The following NAA20 variants were observed in gnomAD, a reference collection of about 807,000 sequenced individuals.
NAA20 encodes the protein N-alpha-acetyltransferase 20, NatB catalytic subunit, also known as N-alpha-acetyltransferase 20.
NAA20 carries 24 observed loss-of-function variants against 23.8 expected under a neutral mutation model. The observed-to-expected ratio is 1.01, with a 90% CI of 0.73 to 1.42. The LOEUF (loss-of-function observed/expected upper bound fraction) is 1.42. Among genes scored for constraint, NAA20 ranks in the 40% most tolerant of loss-of-function variants. NAA20 has a pLI of 0.00. For synonymous variants in NAA20, 83 were observed against 77.7 expected, an observed-to-expected ratio of 1.07 and a Z score of -0.36; for missense variants, 166 against 223.1, an observed-to-expected ratio of 0.74 and a Z score of 1.63.
rs765017523 is a variant in NAA20, at chr20:20,017,477, G to C, written c.53+28G>C. ...GAGTGACACGCGCCTAGGGCCAGCC[G>C]CTCTTGGCCGGGCCTCGCTTCCCGG... On this transcript the variant is annotated intron_variant, in intron 1 of 5. Transcript: ENST00000334982. The C allele has an allele frequency of 2.0e-5, 31 of 1,589,126 alleles. No homozygotes were observed. The Admixed American group carries it at 5.4e-4, about 28-fold the overall frequency.
rs1229526182 is a variant in NAA20 at position 20,017,370 on chromosome 20, A to G, written c.-27A>G. ...CAGGGCGGGCGCGGGGTCTTGGCGAACGGTCTTCGGAAGCGGCGGCGGCGC... is the reference window on the plus strand; with the variant it reads ...CAGGGCGGGCGCGGGGTCTTGGCGAGCGGTCTTCGGAAGCGGCGGCGGCGC... On this transcript the variant is annotated 5_prime_UTR_variant, in exon 1 of 6. Transcript: ENST00000334982. 1 of 1,610,780 alleles carries G rather than the reference A, an allele frequency of 6.2e-7. No individual in the cohort carries two copies. Among genetic ancestry groups the G allele is most frequent in the Non-Finnish European group, 8.5e-7 (1 of 1,179,080 alleles).
intron 3 of NAA20, 67 bp from the exon 4 acceptor site, chr20:20,026,717 A>G: frequency 6.3e-7 from 1 of 1,585,636 alleles, no homozygotes; most frequent in Non-Finnish European, 8.6e-7. Context: ...CATACTGAAC[A>G]GTAATTCTAT....
At chr20:20,019,814 A>G (rs1331750020) in intron 1 of NAA20, among the ~76,000 whole-genome samples, 1 of 152,208 alleles carries the variant, frequency 6.6e-6, no homozygotes, top group Non-Finnish European at 1.5e-5. Flanking sequence ...TGGAACTCCC[A>G]GGCTCAAGTG....
intron 4 of NAA20, among the ~76,000 whole-genome samples, chr20:20,028,314 A>T (rs1039887502): frequency 1.3e-5 from 2 of 152,088 alleles, no homozygotes; most frequent in Admixed American, 1.3e-4. Context: ...CAGGGAGGGG[A>T]ACATCACACA....
chr20:20,019,200 G>T (rs1370746447), intron 1 of NAA20, among the ~76,000 whole-genome samples: 1 of 152,228 alleles, frequency 6.6e-6, no homozygotes, highest in Admixed American at 6.5e-5. Flanking sequence ...GATGAAGCCA[G>T]TGTAGCAAAG....
intron 2 of NAA20, among the ~76,000 whole-genome samples, chr20:20,025,003 T>A (rs1202784331): frequency 2.0e-5 from 3 of 152,206 alleles, no homozygotes; most frequent in Admixed American, 6.5e-5. Flanking sequence ...TAGGAATGAT[T>A]ACATGTCAGT....
At chr20:20,023,281 C>T (rs919234204) in intron 2 of NAA20, among the ~76,000 whole-genome samples, 1 of 151,098 alleles carries the variant, frequency 6.6e-6, no homozygotes, top group African/African-American at 2.4e-5. Context: ...TGCACTCCAG[C>T]CTGGGCTACA....
chr20:20,033,222 T>A lies in NAA20; in HGVS notation c.*35T>A. ...GTGGTTCTTAGGCAGATACTCTAGA[T>A]GCTTTATGGACAATATTATTTTCAT... On this transcript the variant is annotated 3_prime_UTR_variant, in exon 6 of 6. Transcript: ENST00000334982. 6.8e-7 allele frequency: 1 copy of A among 1,468,902 alleles called. No homozygotes were observed. The highest frequency in any genetic ancestry group is 9.5e-7 in the Non-Finnish European group (1 of 1,050,986). 91.0% of individuals were successfully genotyped at this position (1,468,902 alleles called of 1,614,324 possible).
At position 20,026,924 on chromosome 20, in the gene NAA20, G is replaced by A. The variant is rs1320524998; in HGVS notation, c.305+5G>A. 3 of 1,614,122 alleles carry A rather than the reference G, an allele frequency of 1.9e-6. No individual in the cohort carries two copies. The highest frequency in any genetic ancestry group is 1.1e-5 in the South Asian group (1 of 91,080). On this transcript the variant is annotated splice_donor_5th_base_variant and intron_variant, in intron 4 of 5. Transcript: ENST00000334982. ...ACTAGAGGAGATTTCAGAAAGGTGAGATTCAGTTTTTCAAATACACTTAGT... is the reference window on the plus strand; with the variant it reads ...ACTAGAGGAGATTTCAGAAAGGTGAAATTCAGTTTTTCAAATACACTTAGT...
At chr20:20,021,024 G>A (rs867455546) in intron 1 of NAA20, among the ~76,000 whole-genome samples, 6 of 124,730 alleles carry the variant, frequency 4.8e-5, no homozygotes, top group African/African-American at 1.2e-4. Flanking sequence ...GCCTGTGTGC[G>A]TGGGTTCGGT....
At chr20:20,029,852 C>A (rs2043330870) in intron 4 of NAA20, among the ~76,000 whole-genome samples, 1 of 152,088 alleles carries the variant, frequency 6.6e-6, no homozygotes, top group African/African-American at 2.4e-5. Context: ...TCAGGCATTA[C>A]AGGCCACCTA....
chr20:20,021,416 C>G (rs1023619930), intron 1 of NAA20, among the ~76,000 whole-genome samples: 1 of 152,186 alleles, frequency 6.6e-6, no homozygotes, highest in Admixed American at 6.5e-5. Flanking sequence ...ATCCCGTTGT[C>G]TTTTAAGCAG....
chr20:20,032,331 A>G (rs1252026776), intron 4 of NAA20, among the ~76,000 whole-genome samples, 177 bp from the exon 5 acceptor site: 1 of 151,864 alleles, frequency 6.6e-6, no homozygotes, highest in East Asian at 1.9e-4. Flanking sequence ...AGTAATTGTC[A>G]TAAATCCTAA....
chr20:20,018,224 A>C, intron 1 of NAA20: 1 of 704,114 alleles, frequency 1.4e-6, no homozygotes. Context: ...TTTTTTAAGA[A>C]AACATTTTAT....
chr20:20,031,721 A>G (rs1291443952), intron 4 of NAA20, among the ~76,000 whole-genome samples: 1 of 152,240 alleles, frequency 6.6e-6, no homozygotes, highest in Non-Finnish European at 1.5e-5. Flanking sequence ...AAATTGTATG[A>G]AAGATTTAAG....
chr20:20,017,359 G>T, upstream of NAA20: 1 of 1,609,544 alleles, frequency 6.2e-7, no homozygotes, highest in South Asian at 1.1e-5. Flanking sequence ...GCGGGCGCGG[G>T]GTCTTGGCGA....
rs771365052 is a variant in NAA20, at chr20:20,032,632, G to C, written c.430G>C (p.Glu144Gln). 1 of 1,604,080 alleles carries C rather than the reference G, an allele frequency of 6.2e-7. No homozygotes were observed. The highest frequency in any genetic ancestry group is 1.1e-5 in the South Asian group (1 of 88,250). The change falls in exon 5 of 6, where the codon GAG becomes CAG. Residue 144 changes from glutamate to glutamine, a missense_variant. Glu to Gln is a conservative substitution (Grantham distance 29). Transcript: ENST00000334982. The stretch of plus-strand genomic sequence containing the variant: ...AGAGTACTATTCGGCCAGCAACGGG[G>C]AGCCTGATGAGGACGCTTATGGTAA... The part of the protein sequence containing the change: ...VIEYYSASNG[E>Q]PDEDAYDMRK...
Position 20,033,171 on chromosome 20 carries a change from C to T in NAA20, c.521C>T (p.Pro174Leu). 1 of 1,612,462 alleles carries T rather than the reference C, an allele frequency of 6.2e-7. No individual in the cohort carries two copies. The highest frequency in any genetic ancestry group is 8.5e-7 in the Non-Finnish European group (1 of 1,178,568). The change falls in exon 6 of 6, where the codon CCT (proline) becomes CTT (leucine). Residue 174 changes from proline to leucine, a missense_variant. Coordinates refer to ENST00000334982, the MANE Select transcript of NAA20 (RefSeq NM_016100.5). ...ATACCATTACCTCATCCTGTGAGGCCTGAAGACATTGAATAACCCTGGGCA... is the reference window on the plus strand; with the variant it reads ...ATACCATTACCTCATCCTGTGAGGCTTGAAGACATTGAATAACCCTGGGCA... ...SIIPLPHPVR[P>L]EDIE
At position 20,033,436 on chromosome 20, in the gene NAA20, C is replaced by T. The variant is rs1232352115; in HGVS notation, c.*249C>T. The T allele has an allele frequency of 2.0e-5, 8 of 396,380 alleles. No individual in the cohort carries two copies. The highest frequency in any genetic ancestry group is 3.6e-5 in the Non-Finnish European group (8 of 219,244). 24.6% of individuals were successfully genotyped at this position (396,380 alleles called of 1,614,324 possible). A position where few individuals can be genotyped will look rare whatever the true frequency, so the allele number is the denominator to read the frequency against. On this transcript the variant is annotated 3_prime_UTR_variant, in exon 6 of 6. Coordinates refer to ENST00000334982, the MANE Select transcript of NAA20 (RefSeq NM_016100.5). ...CTAGGTCAGAAGGAAACATACCACT[C>T]TCATGGTTCATAGTATTCACTGTAT...
Sources: gnomAD v4.1 joint callset for allele counts (sites outside exome capture counted in the v4.1 genomes callset) on GRCh38, gnomAD v4.1.1 for gene constraint, MANE v1.5 for transcripts, NCBI Gene and HGNC (gene_info 2026-07-23, HGNC 2026-07-21) for gene names.